Variants in AASS observed in about 807,000 individuals in gnomAD.
AASS encodes the protein alpha-aminoadipic semialdehyde synthase, mitochondrial.
Under a neutral mutation model 105.4 loss-of-function variants are expected in AASS, and 86 were observed. The ratio of observed to expected loss-of-function variants is 0.82; its 90% CI spans 0.69 to 0.98. The LOEUF (loss-of-function observed/expected upper bound fraction) is 0.98, where lower values mean the gene tolerates loss of function less well. Among genes scored for constraint, AASS ranks in the 50% least tolerant of loss-of-function variants. The pLI is 0.00. For missense variants in AASS, 1,048 were observed against 1,143.2 expected (o/e 0.92, Z 1.20); for synonymous variants, 381 against 394.8 (o/e 0.96, Z 0.41).
rs1005795252 is a variant in AASS, at chr7:122,144,174, G to A, written c.-29C>T. 3.3e-5 allele frequency: 5 copies of A among 152,510 alleles called. No individual in the cohort carries two copies. The highest frequency in any genetic ancestry group is 2.1e-4 in the South Asian group (1 of 4,828). The allele number at this position is 152,510 out of a possible 1,614,324, so 9.4% of individuals were successfully genotyped here. ...TCCTCTCCTCACCTCGTCCGCTCTG[G>A]GGCGCCGACTTGTCCCCCGCCGCCT... On this transcript the variant is annotated 5_prime_UTR_variant, in exon 1 of 24. Coordinates refer to ENST00000417368, the MANE Select transcript of AASS (RefSeq NM_005763.4).
chr7:122,086,986 T>G (rs2150512536), intron 18 of AASS, among the ~76,000 whole-genome samples: 1 of 152,344 alleles, frequency 6.6e-6, no homozygotes, highest in African/African-American at 2.4e-5. Flanking sequence ...ATTGGCTTAT[T>G]ATTATTGTTG....
chr7:122,096,260 G>T (rs1173939849), intron 15 of AASS, among the ~76,000 whole-genome samples: 2 of 152,068 alleles, frequency 1.3e-5, no homozygotes, highest in Admixed American at 6.6e-5. Context: ...AACATTTTTT[G>T]TGAAACATAT....
At position 122,101,681 on chromosome 7, in the gene AASS, C is replaced by G; in HGVS notation, c.1279-1G>C. On this transcript the variant is annotated splice_acceptor_variant, in intron 11 of 23. Transcript: ENST00000417368. LOFTEE classifies it high-confidence loss of function. ...GAGGCTGTGTCGCGTCTGATAATAT[C>G]TGAAAGGAAAATGAGATTTGTAAGA... 1 of 1,610,054 alleles carries G rather than the reference C, an allele frequency of 6.2e-7. No homozygotes were observed.
chr7:122,135,780 G>A lies in AASS; in HGVS notation c.-15-2039C>T, dbSNP rs183499203. 1.4e-4 allele frequency among the ~76,000 whole-genome samples: 22 copies of A among 152,028 alleles called. No individual in the cohort carries two copies. The South Asian group carries it at 2.1e-3, about 14-fold the overall frequency. On this transcript the variant is annotated intron_variant, in intron 1 of 23. Transcript: ENST00000417368. ...CTCAGCTGGAGGAAGCGTAGAATAC[G>A]GTGGAAATAATACTTTAAACCAAAT...
At chr7:122,127,847 CT>C (rs1275851285) in intron 3 of AASS, among the ~76,000 whole-genome samples, 1 of 152,124 alleles carries the variant, frequency 6.6e-6, no homozygotes, top group African/African-American at 2.4e-5. Context: ...TCTCTCACAA[CT>C]ACAAAATGTA....
intron 1 of AASS, among the ~76,000 whole-genome samples, chr7:122,139,260 G>A (rs1408454948): frequency 6.6e-6 from 1 of 151,968 alleles, no homozygotes; most frequent in African/African-American, 2.4e-5. Context: ...AAATATTTGG[G>A]GGCTACTTAA....
intron 23 of AASS, 137 bp from the exon 24 acceptor site, chr7:122,076,744 TA>T (rs1793032257): frequency 2.8e-6 from 2 of 708,378 alleles, no homozygotes; most frequent in Non-Finnish European, 5.1e-6. Flanking sequence ...AGTAGCTGCT[TA>T]AAAACGTCCC....
intron 1 of AASS, among the ~76,000 whole-genome samples, chr7:122,143,442 C>A (rs1263139933): frequency 6.6e-6 from 1 of 150,586 alleles, no homozygotes; most frequent in African/African-American, 2.4e-5. Flanking sequence ...CCCATTCAAC[C>A]GAGGAGGGTG....
intron 8 of AASS, 44 bp from the exon 9 acceptor site, chr7:122,115,266 T>C: frequency 6.2e-7 from 1 of 1,605,796 alleles, no homozygotes; most frequent in African/African-American, 1.3e-5. Flanking sequence ...AAATAGCCTA[T>C]TTTAATACAG....
intron 22 of AASS, among the ~76,000 whole-genome samples, 176 bp from the exon 23 acceptor site, chr7:122,078,190 A>G (rs1457525983): frequency 1.3e-5 from 2 of 152,206 alleles, no homozygotes; most frequent in Non-Finnish European, 2.9e-5. Context: ...CAAGGAAATT[A>G]GAACTCTGAT....
intron 11 of AASS, among the ~76,000 whole-genome samples, 178 bp from the exon 12 acceptor site, chr7:122,101,858 C>T (rs1264102774): frequency 6.6e-6 from 1 of 151,768 alleles, no homozygotes; most frequent in Non-Finnish European, 1.5e-5. Flanking sequence ...TCAACTCTGC[C>T]CACAAGACTA....
intron 1 of AASS, among the ~76,000 whole-genome samples, chr7:122,141,113 G>C (rs279689): frequency 0.1 from 15,197 of 152,142 alleles, 1,010 homozygotes; most frequent in African/African-American, 0.19. Context: ...AACTAGGCTT[G>C]GGCTTGCATT....
intron 19 of AASS, among the ~76,000 whole-genome samples, chr7:122,084,117 A>G (rs1793508935): frequency 6.6e-6 from 1 of 152,188 alleles, no homozygotes. Context: ...TTTTACTCAT[A>G]TTCTTTGAAC....
At chr7:122,137,140 C>T (rs1796181313) in intron 1 of AASS, among the ~76,000 whole-genome samples, 1 of 152,202 alleles carries the variant, frequency 6.6e-6, no homozygotes, top group South Asian at 2.1e-4. Flanking sequence ...ATTGATTAAG[C>T]ATCACATGCC....
At chr7:122,133,818 T>C (rs1270278741) in intron 1 of AASS, 77 bp from the exon 2 acceptor site, 3 of 1,228,248 alleles carry the variant, frequency 2.4e-6, no homozygotes, top group African/African-American at 3.0e-5. Context: ...CTGAGAAATC[T>C]GAGGTAAAAT....
intron 4 of AASS, among the ~76,000 whole-genome samples, chr7:122,122,486 AAAC>A (rs1249093669): frequency 1.3e-5 from 2 of 152,246 alleles, no homozygotes; most frequent in African/African-American, 2.4e-5. Context: ...CCTAAAAGGA[AAAC>A]AACAAAATCT....
rs752515450 is a variant in AASS at position 122,081,550 on chromosome 7, T to G, written c.2230A>C (p.Asn744His). The change falls in exon 20 of 24, where the codon AAC becomes CAC. Residue 744 changes from asparagine to histidine, a missense_variant. Physicochemically the swap from Asn to His is moderately conservative, Grantham distance 68. Transcript: ENST00000417368. ...LNGFVKLGLI[N>H]REALPAFRPE... ...CTAAAGGCAGGAAGCGCTTCTCTGTTTATAAGACCTAATTTTACAAATCCA... is the reference window on the plus strand; with the variant it reads ...CTAAAGGCAGGAAGCGCTTCTCTGTGTATAAGACCTAATTTTACAAATCCA... The G allele has an allele frequency of 3.1e-6, 5 of 1,613,868 alleles. No homozygotes were observed. The South Asian group carries it at 5.5e-5, about 18-fold the overall frequency.
chr7:122,101,842 A>T (rs1367942584), intron 11 of AASS, among the ~76,000 whole-genome samples, 162 bp from the exon 12 acceptor site: 1 of 151,896 alleles, frequency 6.6e-6, no homozygotes, highest in East Asian at 1.9e-4. Context: ...AGTCTTCTAC[A>T]AGCAATCAAC....
At chr7:122,109,923 G>T (rs552169318) in intron 11 of AASS, among the ~76,000 whole-genome samples, 1 of 151,958 alleles carries the variant, frequency 6.6e-6, no homozygotes, top group African/African-American at 2.4e-5. Flanking sequence ...TCACAAGGAA[G>T]TAATACTCAG....
Sources: allele counts gnomAD v4.1 joint callset (sites outside exome capture counted in the v4.1 genomes callset), GRCh38; gene constraint gnomAD v4.1.1; transcripts MANE v1.5; gene names NCBI Gene and HGNC (gene_info 2026-07-23, HGNC 2026-07-21).